Variants in MRPL20 observed in about 807,000 individuals in gnomAD.
MRPL20 encodes the protein mitochondrial ribosomal protein L20.
In MRPL20, 21 loss-of-function variants were observed where a neutral mutation model predicts 20.0. The observed-to-expected ratio is 1.05, with a 90% CI of 0.74 to 1.51. The LOEUF (loss-of-function observed/expected upper bound fraction) is 1.51. MRPL20 is among the 40% of genes most tolerant of loss of function. The pLI, the probability that MRPL20 is intolerant of heterozygous loss-of-function variation, is 0.00. For synonymous variants in MRPL20, 104 were observed against 73.0 expected (o/e 1.43, Z -2.17); for missense variants, 252 against 185.6 (o/e 1.36, Z -2.08).
intron 2 of MRPL20, 136 bp from the exon 3 acceptor site, chr1:1,406,022 T>G (rs757430427): frequency 1.3e-4 from 164 of 1,288,342 alleles, no homozygotes; most frequent in Non-Finnish European, 1.7e-4. Context: ...GCCATCACTC[T>G]GGCCTAAGCG....
intron 3 of MRPL20, 91 bp downstream of exon 3, chr1:1,405,718 T>G: frequency 1.2e-6 from 2 of 1,605,692 alleles, no homozygotes; most frequent in Non-Finnish European, 8.5e-7. Flanking sequence ...GCCTCCTGAT[T>G]AGCTGGGACT....
In MRPL20 at chr1:1,407,263, G is replaced by C; in HGVS notation, c.-46C>G. On this transcript the variant is annotated 5_prime_UTR_variant, in exon 1 of 4. Transcript: ENST00000344843. The stretch of plus-strand genomic sequence containing the variant: ...CCGAACACTCAACAACGCACGCGCA[G>C]CGCCGCTGCCATCTTGCCCGGGTCG... The C allele has an allele frequency of 6.7e-7, 1 of 1,499,348 alleles. No homozygotes were observed. The highest frequency in any genetic ancestry group is 9.1e-7 in the Non-Finnish European group (1 of 1,099,888). 92.9% of individuals were successfully genotyped at this position (1,499,348 alleles called of 1,614,324 possible).
chr1:1,405,169 T>C (rs1645371073), intron 3 of MRPL20: 1 of 153,872 alleles, frequency 6.5e-6, no homozygotes, highest in Non-Finnish European at 1.4e-5. Context: ...TTTGTATTTT[T>C]AGTAGAGACA....
rs1645334922 is a variant in MRPL20, at chr1:1,402,028, TCAAA to T, written c.*51_*54del. ...GGTTGTAGATAAACAAAAGTATAAATCAAACAAACTGCAAATTACTCTGTCTCTT... is the reference window on the plus strand; with the variant it reads ...GGTTGTAGATAAACAAAAGTATAAATCAAACTGCAAATTACTCTGTCTCTT... On this transcript the variant is annotated 3_prime_UTR_variant, in exon 4 of 4. Transcript: ENST00000344843. 6 of 1,559,448 alleles carry T rather than the reference TCAAA, an allele frequency of 3.8e-6. No homozygotes were observed. The highest frequency in any genetic ancestry group is 3.8e-5 in the Admixed American group (2 of 53,156).
chr1:1,402,049 C>CT lies in MRPL20; in HGVS notation c.*33dup. On this transcript the variant is annotated 3_prime_UTR_variant, in exon 4 of 4. Coordinates refer to ENST00000344843, the MANE Select transcript of MRPL20 (RefSeq NM_017971.4). ...TAAATCAAACAAACTGCAAATTACT[C>CT]TGTCTCTTTTCCTAATCAATACAGC... is the stretch of plus-strand genomic sequence containing the variant. The CT allele has an allele frequency of 1.3e-6, 2 of 1,579,006 alleles. No homozygotes were observed. Among genetic ancestry groups the CT allele is most frequent in the Admixed American group, 1.9e-5 (1 of 52,764 alleles).
chr1:1,405,912 T>C (rs979678101), intron 2 of MRPL20, 26 bp from the exon 3 acceptor site: 1 of 1,596,196 alleles, frequency 6.3e-7, no homozygotes, highest in African/African-American at 1.3e-5. Flanking sequence ...ATGAAGATAC[T>C]TAAAAATGAC....
chr1:1,406,563 G>C, intron 2 of MRPL20: 1 of 338,564 alleles, frequency 3.0e-6, no homozygotes, highest in South Asian at 2.7e-5. Flanking sequence ...GGGTTGGCAA[G>C]GGGCTGGGTT....
At chr1:1,402,425 G>A (rs1184357423) in intron 3 of MRPL20, 169 bp from the exon 4 acceptor site, 1 of 1,384,128 alleles carries the variant, frequency 7.2e-7, no homozygotes, top group Non-Finnish European at 9.3e-7. Context: ...CAGGCAGGAT[G>A]CTGAAGGATA....
In MRPL20 at chr1:1,401,921, G is replaced by A; in HGVS notation, c.*162C>T. On this transcript the variant is annotated 3_prime_UTR_variant, in exon 4 of 4. Transcript: ENST00000344843. ...TGACTCTAAAAACTGAAGAGTGTTT[G>A]AGTTTCATTCACACAAAACATGGAC... is the stretch of plus-strand genomic sequence containing the variant. The A allele has an allele frequency of 1.2e-6, 1 of 824,516 alleles. No homozygotes were observed. Among genetic ancestry groups the A allele is most frequent in the Non-Finnish European group, 1.9e-6 (1 of 535,378 alleles). The allele number at this position is 824,516 out of a possible 1,614,324, so 51.1% of individuals were successfully genotyped here. A position where few individuals can be genotyped will look rare whatever the true frequency, so the allele number is the denominator to read the frequency against.
chr1:1,402,036 A>G lies in MRPL20; in HGVS notation c.*47T>C. On this transcript the variant is annotated 3_prime_UTR_variant, in exon 4 of 4. Coordinates refer to ENST00000344843, the MANE Select transcript of MRPL20 (RefSeq NM_017971.4). ...ATAAACAAAAGTATAAATCAAACAA[A>G]CTGCAAATTACTCTGTCTCTTTTCC... 6.4e-7 allele frequency: 1 copy of G among 1,567,514 alleles called. No individual in the cohort carries two copies. The highest frequency in any genetic ancestry group is 8.7e-7 in the Non-Finnish European group (1 of 1,155,970).
rs1000250273 is a variant in MRPL20, at chr1:1,407,270, T to C, written c.-53A>G. The C allele has an allele frequency of 6.8e-6, 10 of 1,471,394 alleles. No homozygotes were observed. The African/African-American group carries it at 1.1e-4, about 16-fold the overall frequency. The allele number at this position is 1,471,394 out of a possible 1,614,324, so 91.1% of individuals were successfully genotyped here. Reference sequence around the variant, plus strand: ...CTCAACAACGCACGCGCAGCGCCGCTGCCATCTTGCCCGGGTCGGAAATGG... The same window carrying C: ...CTCAACAACGCACGCGCAGCGCCGCCGCCATCTTGCCCGGGTCGGAAATGG... On this transcript the variant is annotated 5_prime_UTR_variant, in exon 1 of 4. Transcript: ENST00000344843.
chr1:1,407,156 A>T lies in MRPL20; in HGVS notation c.62T>A (p.Ile21Asn). 1 of 1,608,334 alleles carries T rather than the reference A, an allele frequency of 6.2e-7. No individual in the cohort carries two copies. The highest frequency in any genetic ancestry group is 8.5e-7 in the Non-Finnish European group (1 of 1,177,548). ...RNRVTDRYFR[I>N]QEVLKHARHF... is the part of the protein sequence containing the mutation. ...CCTGGCGTGCTTCAGCACCTCCTGG[A>T]TCCGAAAGTAGCGGTCGGTGACGCG... Residue 21 changes from isoleucine to asparagine, a missense_variant, in exon 1 of 4, where the codon ATC becomes AAC. Coordinates refer to ENST00000344843, the MANE Select transcript of MRPL20 (RefSeq NM_017971.4).
intron 1 of MRPL20, 45 bp downstream of exon 1, chr1:1,407,086 G>A: frequency 2.5e-6 from 4 of 1,607,544 alleles, no homozygotes; most frequent in Non-Finnish European, 3.4e-6. Context: ...TGGCCCGCGG[G>A]ATACCCCGGG....
chr1:1,403,768 G>A (rs940651173), intron 3 of MRPL20, among the ~76,000 whole-genome samples: 12 of 152,056 alleles, frequency 7.9e-5, no homozygotes, highest in Admixed American at 2.0e-4. Flanking sequence ...CCATCCGTTC[G>A]CTCCAAAACA....
chr1:1,406,806 G>C (rs1029668884), intron 2 of MRPL20, 103 bp downstream of exon 2: 21 of 965,624 alleles, frequency 2.2e-5, no homozygotes, highest in Middle Eastern at 3.1e-4. Flanking sequence ...ATGAAAGGAA[G>C]GGGCTGAGGG....
At chr1:1,404,147 ATTGTT>A (rs539100072) in intron 3 of MRPL20, among the ~76,000 whole-genome samples, 2 of 149,560 alleles carry the variant, frequency 1.3e-5, no homozygotes, top group Non-Finnish European at 3.0e-5. Flanking sequence ...ACCCAGCCTC[ATTGTT>A]TTAACTTTTT....
At position 1,401,983 on chromosome 1, in the gene MRPL20, ATCCC is replaced by A; in HGVS notation, c.*96_*99del. 1 of 1,318,554 alleles carries A rather than the reference ATCCC, an allele frequency of 7.6e-7. No individual in the cohort carries two copies. The highest frequency in any genetic ancestry group is 1.0e-6 in the Non-Finnish European group (1 of 955,852). 81.7% of individuals were successfully genotyped at this position (1,318,554 alleles called of 1,614,324 possible). Reference sequence around the variant, plus strand: ...GGCTCTGTCCCAGAGAGACAGGGCCATCCCTCATGTCTGTTATTGGGTTGTAGAT... The same window carrying A: ...GGCTCTGTCCCAGAGAGACAGGGCCATCATGTCTGTTATTGGGTTGTAGAT... On this transcript the variant is annotated 3_prime_UTR_variant, in exon 4 of 4. Transcript: ENST00000344843.
At chr1:1,402,667 G>GGGC (rs1367886301) in intron 3 of MRPL20, 67 of 967,018 alleles carry the variant, frequency 6.9e-5, no homozygotes, top group Middle Eastern at 5.3e-4. Flanking sequence ...GTAGAAAAGG[G>GGGC]GGGCCGTCTC....
At position 1,407,196 on chromosome 1, in the gene MRPL20, G is replaced by A. The variant is rs1484580344; in HGVS notation, c.22C>T (p.Leu8Phe). 2 of 1,605,314 alleles carry A rather than the reference G, an allele frequency of 1.2e-6. No homozygotes were observed. Among genetic ancestry groups the A allele is most frequent in the Admixed American group, 1.7e-5 (1 of 58,720 alleles). MVFLTAQ[L>F]WLRNRVTDRY... ...TCGGTGACGCGATTCCGCAGCCAGA[G>A]CTGCGCGGTGAGGAAGACCATGGCG... The change falls in exon 1 of 4, where the codon CTC becomes TTC. Residue 8 changes from leucine to phenylalanine, a missense_variant. Leu to Phe is a conservative substitution (Grantham distance 22, BLOSUM62 0). Transcript: ENST00000344843.
Sources: gnomAD v4.1 joint callset for allele counts (sites outside exome capture counted in the v4.1 genomes callset) on GRCh38, gnomAD v4.1.1 for gene constraint, MANE v1.5 for transcripts, NCBI Gene and HGNC (gene_info 2026-07-23, HGNC 2026-07-21) for gene names.